Variants in CHST15 observed in about 807,000 individuals in gnomAD.
The protein encoded by CHST15 is B cell RAG associated protein (GALNAC4S-6ST).
Under a neutral mutation model 53.6 loss-of-function variants are expected in CHST15, and 30 were observed. That is an observed-to-expected ratio of 0.56 (90% CI 0.42 to 0.76). The LOEUF (loss-of-function observed/expected upper bound fraction) is 0.76, where lower values mean the gene tolerates loss of function less well. CHST15 is among the 30% of genes least tolerant of loss of function. The pLI is 0.00. For missense variants in CHST15, 627 were observed against 740.5 expected (o/e 0.85, Z 1.78); for synonymous variants, 296 against 289.8 (o/e 1.02, Z -0.22).
intron 3 of CHST15, among the ~76,000 whole-genome samples, chr10:124,044,201 C>CT (rs776111446): frequency 3.4e-5 from 5 of 147,854 alleles, no homozygotes; most frequent in African/African-American, 1.3e-4. Flanking sequence ...CGGCACAGAG[C>CT]TGGGAGCGGC....
intron 1 of CHST15, among the ~76,000 whole-genome samples, chr10:124,063,125 G>A (rs564511981): frequency 9.4e-4 from 143 of 152,324 alleles, no homozygotes; most frequent in African/African-American, 3.2e-3. Context: ...GCTCATGCCT[G>A]TAATCCCAGC....
chr10:124,071,180 C>G (rs994155187), intron 1 of CHST15, among the ~76,000 whole-genome samples: 1 of 152,212 alleles, frequency 6.6e-6, no homozygotes, highest in Non-Finnish European at 1.5e-5. Context: ...GTGCTCAGCT[C>G]TCTCTTCCTA....
At chr10:124,033,794 A>G (rs549655248) in intron 5 of CHST15, among the ~76,000 whole-genome samples, 1 of 152,336 alleles carries the variant, frequency 6.6e-6, no homozygotes, top group Admixed American at 6.5e-5. Context: ...GTCCTTCTGC[A>G]GTCAAGCATA....
intron 6 of CHST15, among the ~76,000 whole-genome samples, chr10:124,016,640 C>T (rs539401443): frequency 1.9e-4 from 29 of 152,304 alleles, no homozygotes; most frequent in Non-Finnish European, 3.4e-4. Flanking sequence ...GAGTGTCAAA[C>T]GCCAGCAGAC....
chr10:124,061,368 G>A (rs778449471), intron 1 of CHST15, among the ~76,000 whole-genome samples: 1 of 152,182 alleles, frequency 6.6e-6, no homozygotes, highest in South Asian at 2.1e-4. Flanking sequence ...GGGGGTTTCC[G>A]CTTTTGCTTC....
intron 5 of CHST15, among the ~76,000 whole-genome samples, chr10:124,023,855 T>G (rs1014987582): frequency 6.6e-6 from 1 of 152,134 alleles, no homozygotes; most frequent in Non-Finnish European, 1.5e-5. Flanking sequence ...CGTTTTTTTT[T>G]TTTTTGAAGC....
intron 2 of CHST15, among the ~76,000 whole-genome samples, chr10:124,045,346 G>A (rs372553884): frequency 2.6e-5 from 4 of 152,214 alleles, no homozygotes; most frequent in Non-Finnish European, 1.5e-5. Flanking sequence ...CCCAAATGAT[G>A]GTGATCTGCA....
At chr10:124,075,519 A>T (rs1949047575) in intron 1 of CHST15, among the ~76,000 whole-genome samples, 1 of 152,132 alleles carries the variant, frequency 6.6e-6, no homozygotes, top group Admixed American at 6.5e-5. Flanking sequence ...AAGGGAGGAA[A>T]ATCTAGCGGT....
chr10:124,019,699 A>T lies in CHST15; in HGVS notation c.1347+1557T>A. On this transcript the variant is annotated intron_variant, in intron 6 of 7. Coordinates refer to ENST00000435907, the MANE Select transcript of CHST15 (RefSeq NM_001270764.2). The surrounding 1 kb of genome is among the most constrained non-coding windows in gnomAD (Gnocchi z 4.6). ...TATTATAGGTGCCTCAGCCATGAAC[A>T]CAGTAGTGAGATATTCCTTTTCCAC... is the stretch of plus-strand genomic sequence containing the variant. The T allele has an allele frequency of 1.2e-6, 1 of 814,590 alleles. No homozygotes were observed. 50.5% of individuals were successfully genotyped at this position (814,590 alleles called of 1,614,324 possible).
chr10:124,049,984 T>A (rs1948134840), intron 1 of CHST15, among the ~76,000 whole-genome samples: 1 of 151,980 alleles, frequency 6.6e-6, no homozygotes, highest in Admixed American at 6.6e-5. Context: ...TCAGTTAGGT[T>A]CTGGAGTTGG....
rs769782550 is a variant in CHST15 at position 124,012,472 on chromosome 10, G to C, written c.1356C>G (p.Leu452=). The stretch of plus-strand genomic sequence containing the variant: ...GGTACACAGCATAGAGCCCAACCTG[G>C]AGCCTCACCTAGGACCACAGAAGAA... ...NTLNNAMPVR[L]QVGLYAVYLL... is the part of the protein sequence containing the mutation. Residue 452 remains leucine, a synonymous_variant, in exon 7 of 8, where the codon CTC becomes CTG. Transcript: ENST00000435907. 23 of 1,612,738 alleles carry C rather than the reference G, an allele frequency of 1.4e-5. No individual in the cohort carries two copies. In the East Asian group the frequency reaches 4.7e-4, roughly 33 times the overall value.
chr10:124,072,103 C>T (rs1333242893), intron 1 of CHST15, among the ~76,000 whole-genome samples: 2 of 152,230 alleles, frequency 1.3e-5, no homozygotes, highest in African/African-American at 2.4e-5. Context: ...TTACCAACAG[C>T]TTCCAAGCCC....
intron 5 of CHST15, among the ~76,000 whole-genome samples, chr10:124,029,438 A>G (rs1174097687): frequency 1.3e-5 from 2 of 152,044 alleles, no homozygotes; most frequent in Non-Finnish European, 2.9e-5. Context: ...GGGCCATTCT[A>G]TTTCCTACCA....
rs748587003 is a variant in CHST15, at chr10:124,012,319, C to T, written c.1495+14G>A. The T allele has an allele frequency of 6.2e-6, 10 of 1,611,874 alleles. No individual in the cohort carries two copies. The highest frequency in any genetic ancestry group is 1.7e-4 in the Middle Eastern group (1 of 6,034). ...TCATGCTTTGGCCCGTCAGTCTAAG[C>T]ACCACACTCATACCTAGGTTCAGAA... On this transcript the variant is annotated intron_variant, in intron 7 of 7. Transcript: ENST00000435907.
chr10:124,064,268 G>A (rs934902064), intron 1 of CHST15, among the ~76,000 whole-genome samples: 1 of 152,138 alleles, frequency 6.6e-6, no homozygotes, highest in Non-Finnish European at 1.5e-5. Context: ...TCTGGTTTCT[G>A]TTTCGGAAAA....
At chr10:124,011,796 G>A (rs1376751098) in intron 7 of CHST15, 7 of 985,304 alleles carry the variant, frequency 7.1e-6, no homozygotes, top group African/African-American at 1.7e-5. Flanking sequence ...TCAGCCACAC[G>A]GCTCTGACTC....
At chr10:124,017,661 G>A (rs938194979) in intron 6 of CHST15, among the ~76,000 whole-genome samples, 2 of 152,196 alleles carry the variant, frequency 1.3e-5, no homozygotes, top group Non-Finnish European at 2.9e-5. Context: ...GGGAAATGTT[G>A]AAGCCAAACA....
intron 6 of CHST15, chr10:124,020,770 A>C: frequency 9.3e-7 from 1 of 1,070,982 alleles, no homozygotes; most frequent in Non-Finnish European, 1.1e-6. Flanking sequence ...ATTTACAGAC[A>C]TAGTTCTGAA....
In CHST15 at chr10:124,008,021, T is replaced by C; in HGVS notation, c.*2128A>G. On this transcript the variant is annotated 3_prime_UTR_variant, in exon 8 of 8. Coordinates refer to ENST00000435907, the MANE Select transcript of CHST15 (RefSeq NM_001270764.2). ...CCTGGAGGGAAAAACCATGTCTGGA[T>C]GGCATTGAGTGGCACAGAAGGGATG... 8.1e-7 allele frequency: 1 copy of C among 1,232,092 alleles called. No homozygotes were observed. Among genetic ancestry groups the C allele is most frequent in the African/African-American group, 1.6e-5 (1 of 64,508 alleles). 76.3% of individuals were successfully genotyped at this position (1,232,092 alleles called of 1,614,324 possible).
Sources: gnomAD v4.1 joint callset for allele counts (sites outside exome capture counted in the v4.1 genomes callset) on GRCh38, gnomAD v4.1.1 for gene constraint, Gnocchi (gnomAD v3.1) non-coding constraint, MANE v1.5 for transcripts, NCBI Gene and HGNC (gene_info 2026-07-23, HGNC 2026-07-21) for gene names.